Variants in JAKMIP2 observed in about 807,000 individuals in gnomAD.
JAKMIP2 encodes janus kinase and microtubule interacting protein 2.
Under a neutral mutation model 115.0 loss-of-function variants are expected in JAKMIP2, and 25 were observed. The observed-to-expected ratio is 0.22, with a 90% CI of 0.16 to 0.30. The LOEUF (loss-of-function observed/expected upper bound fraction) is 0.30. JAKMIP2 is among the 10% of genes least tolerant of loss of function. The pLI, the probability that JAKMIP2 is intolerant of heterozygous loss-of-function variation, is 1.00. For missense variants in JAKMIP2, 642 were observed against 957.6 expected, an observed-to-expected ratio of 0.67 and a Z score of 4.35; for synonymous variants, 334 against 343.6, an observed-to-expected ratio of 0.97 and a Z score of 0.31.
chr5:147,738,380 G>A (rs572722387), intron 1 of JAKMIP2, among the ~76,000 whole-genome samples: 2 of 152,260 alleles, frequency 1.3e-5, no homozygotes, highest in East Asian at 3.9e-4. Flanking sequence ...CTTGTGGCGT[G>A]GGGGAGAGAA....
At chr5:147,696,365 T>C (rs1489557030) in intron 1 of JAKMIP2, among the ~76,000 whole-genome samples, 1 of 152,102 alleles carries the variant, frequency 6.6e-6, no homozygotes, top group African/African-American at 2.4e-5. Flanking sequence ...CAAGATCTGA[T>C]GGTTTTATAA....
At chr5:147,711,587 G>A (rs1752783801) in intron 1 of JAKMIP2, among the ~76,000 whole-genome samples, 1 of 152,196 alleles carries the variant, frequency 6.6e-6, no homozygotes, top group Non-Finnish European at 1.5e-5. Flanking sequence ...AAACAGAATA[G>A]TGTCATCACT....
chr5:147,592,327 C>A (rs915468560), intron 21 of JAKMIP2, among the ~76,000 whole-genome samples: 7 of 152,252 alleles, frequency 4.6e-5, no homozygotes, highest in Middle Eastern at 3.4e-3. Context: ...AAAATTGTAA[C>A]CATTGGCAAA....
chr5:147,672,599 A>G (rs1359548907), intron 1 of JAKMIP2, among the ~76,000 whole-genome samples: 2 of 152,248 alleles, frequency 1.3e-5, no homozygotes, highest in Admixed American at 6.5e-5. Context: ...CGATCTATCT[A>G]TCTACGTCAC....
intron 1 of JAKMIP2, among the ~76,000 whole-genome samples, chr5:147,677,212 G>A (rs965325712): frequency 2.0e-5 from 3 of 152,282 alleles, no homozygotes; most frequent in South Asian, 2.1e-4. Flanking sequence ...ACAAACGGAT[G>A]TAAGTGATGC....
chr5:147,770,700 G>A (rs1755320161), intron 1 of JAKMIP2, among the ~76,000 whole-genome samples: 1 of 151,798 alleles, frequency 6.6e-6, no homozygotes, highest in South Asian at 2.1e-4. Context: ...TGGATCTGGA[G>A]GAAAAGAAAA....
intron 1 of JAKMIP2, among the ~76,000 whole-genome samples, chr5:147,717,436 C>T (rs1753052654): frequency 1.4e-5 from 2 of 138,666 alleles, no homozygotes; most frequent in South Asian, 5.2e-4. Context: ...TTACCTTGGG[C>T]AGTATGGCCA....
chr5:147,727,871 T>C (rs1446908320), intron 1 of JAKMIP2, among the ~76,000 whole-genome samples: 1 of 152,138 alleles, frequency 6.6e-6, no homozygotes, highest in Non-Finnish European at 1.5e-5. Context: ...TTTTTCTCCA[T>C]TTTGTCTTCT....
intron 1 of JAKMIP2, among the ~76,000 whole-genome samples, chr5:147,748,833 C>T (rs1754449436): frequency 6.6e-6 from 1 of 152,128 alleles, no homozygotes; most frequent in Non-Finnish European, 1.5e-5. Flanking sequence ...AATCAGACAC[C>T]ACCTCCCCAA....
chr5:147,657,848 T>C (rs1758757116), intron 3 of JAKMIP2, among the ~76,000 whole-genome samples: 1 of 152,062 alleles, frequency 6.6e-6, no homozygotes, highest in Non-Finnish European at 1.5e-5. Context: ...GTTCTTCACC[T>C]CTATCAGGTC....
intron 17 of JAKMIP2, among the ~76,000 whole-genome samples, chr5:147,620,994 G>A (rs561272100): frequency 2.0e-5 from 3 of 152,170 alleles, no homozygotes; most frequent in Non-Finnish European, 2.9e-5. Context: ...TTTTTAATCT[G>A]AGAGCACGTG....
intron 20 of JAKMIP2, among the ~76,000 whole-genome samples, chr5:147,603,928 T>A (rs1283619489): frequency 2.0e-5 from 3 of 152,176 alleles, no homozygotes; most frequent in Non-Finnish European, 4.4e-5. Flanking sequence ...CCTTTTTGTT[T>A]TTTTTAAACC....
intron 8 of JAKMIP2, among the ~76,000 whole-genome samples, chr5:147,641,321 G>T (rs1471744794): frequency 6.6e-6 from 1 of 152,134 alleles, no homozygotes; most frequent in East Asian, 1.9e-4. Flanking sequence ...TGATGGATTG[G>T]GAGCATTGCT....
At chr5:147,624,049 G>T (rs1006985063) in intron 16 of JAKMIP2, among the ~76,000 whole-genome samples, 1 of 151,954 alleles carries the variant, frequency 6.6e-6, no homozygotes, top group African/African-American at 2.4e-5. Flanking sequence ...TGGCCAGGCT[G>T]GTCTTGAACT....
chr5:147,661,126 A>G lies in JAKMIP2; in HGVS notation c.449T>C (p.Leu150Pro). Reference sequence around the variant, plus strand: ...GTCCGCAATTTCCTGTAAGAGCTTAAGGCGCTCTGTGTCAAACAGTTTCCG... The same window carrying G: ...GTCCGCAATTTCCTGTAAGAGCTTAGGGCGCTCTGTGTCAAACAGTTTCCG... ...EARKLFDTER[L>P]KLLQEIADLK... The change falls in exon 3 of 22, where the codon CTT (leucine) becomes CCT (proline). Residue 150 changes from leucine to proline, a missense_variant. Leu to Pro is a moderately conservative substitution (Grantham distance 98, BLOSUM62 -3). Transcript: ENST00000616793. 1 of 1,614,056 alleles carries G rather than the reference A, an allele frequency of 6.2e-7. No individual in the cohort carries two copies. Among genetic ancestry groups the G allele is most frequent in the Non-Finnish European group, 8.5e-7 (1 of 1,180,022 alleles).
intron 4 of JAKMIP2, among the ~76,000 whole-genome samples, 188 bp from the exon 5 acceptor site, chr5:147,648,662 G>T (rs1209467041): frequency 1.3e-5 from 2 of 152,114 alleles, no homozygotes; most frequent in Non-Finnish European, 2.9e-5. Flanking sequence ...CACCACTTGG[G>T]TTGAAGACCA....
At chr5:147,763,327 T>C (rs1184294752) in intron 1 of JAKMIP2, among the ~76,000 whole-genome samples, 1 of 152,134 alleles carries the variant, frequency 6.6e-6, no homozygotes, top group Non-Finnish European at 1.5e-5. Flanking sequence ...GTTCATCCCA[T>C]TGACAAAGAG....
intron 1 of JAKMIP2, among the ~76,000 whole-genome samples, chr5:147,727,809 G>T (rs547195378): frequency 1.4e-3 from 209 of 152,200 alleles, no homozygotes; most frequent in African/African-American, 4.4e-3. Flanking sequence ...TTCTTGGATT[G>T]TGTTTTTCTG....
intron 1 of JAKMIP2, among the ~76,000 whole-genome samples, chr5:147,692,908 A>G (rs1751940431): frequency 6.6e-6 from 1 of 152,214 alleles, no homozygotes; most frequent in African/African-American, 2.4e-5. Context: ...TTACTGTAAA[A>G]CTGTGAAAAA....
Sources: allele counts gnomAD v4.1 joint callset (sites outside exome capture counted in the v4.1 genomes callset), GRCh38; gene constraint gnomAD v4.1.1; transcripts MANE v1.5; gene names NCBI Gene and HGNC (gene_info 2026-07-23, HGNC 2026-07-21).